The following NFAM1 variants were observed in gnomAD, a reference collection of about 807,000 sequenced individuals.
NFAM1 encodes NFAT activation molecule 1.
Under a neutral mutation model 29.0 loss-of-function variants are expected in NFAM1, and 17 were observed. That is an observed-to-expected ratio of 0.59 (90% CI 0.40 to 0.88). The LOEUF (loss-of-function observed/expected upper bound fraction) is 0.88. NFAM1 is among the 40% of genes least tolerant of loss of function. The pLI is 0.00. For synonymous variants in NFAM1, 175 were observed against 147.2 expected (o/e 1.19, Z -1.36); for missense variants, 324 against 344.6 (o/e 0.94, Z 0.47).
At chr22:42,415,584 C>T (rs141536793) in intron 1 of NFAM1, among the ~76,000 whole-genome samples, 111 of 152,234 alleles carry the variant, frequency 7.3e-4, no homozygotes, top group African/African-American at 2.6e-3. Context: ...CAGGCGTGAG[C>T]CACCGCGCCC....
intron 4 of NFAM1, among the ~76,000 whole-genome samples, chr22:42,393,757 T>A (rs9611786): frequency 0.019 from 2,890 of 151,954 alleles, 52 homozygotes; most frequent in Non-Finnish European, 0.03. Flanking sequence ...CAATTGTTAA[T>A]CCTTAATGAG....
chr22:42,410,322 A>G, intron 2 of NFAM1: 1 of 295,638 alleles, frequency 3.4e-6, no homozygotes, highest in South Asian at 2.5e-5. Flanking sequence ...GGCTTTGGTG[A>G]TGGGCTCACT....
At position 42,409,211 on chromosome 22, in the gene NFAM1, G is replaced by A. The variant is rs1179120894; in HGVS notation, c.564+224C>T. On this transcript the variant is annotated intron_variant, in intron 3 of 5. Coordinates refer to ENST00000329021, the MANE Select transcript of NFAM1 (RefSeq NM_145912.8). The surrounding 1 kb of genome is among the most constrained non-coding windows in gnomAD (Gnocchi z 4.9). ...GACATGGGACCTGGGAAAGCCTGCA[G>A]AGCCCTGGTTTCTTGCAACAAGATC... 6.6e-6 allele frequency among the ~76,000 whole-genome samples: 1 copy of A among 152,206 alleles called. No homozygotes were observed. Among genetic ancestry groups the A allele is most frequent in the African/African-American group, 2.4e-5 (1 of 41,450 alleles).
rs713942 is a variant in NFAM1 at position 42,384,325 on chromosome 22, G to C, written c.*836C>G. On this transcript the variant is annotated 3_prime_UTR_variant, in exon 6 of 6. Transcript: ENST00000329021. ...GCAGAGGGTGACCAAGGAGATGACA[G>C]AGTGCACGTACAGGGCCAGGCCAAT... 146,502 of 153,124 alleles carry C rather than the reference G, an allele frequency of 0.96. 70,164 individuals carry two copies. Among genetic ancestry groups the C allele is most frequent in the East Asian group, 1 (5,179 of 5,180 alleles). The allele number at this position is 153,124 out of a possible 1,614,324, so 9.5% of individuals were successfully genotyped here. A position where few individuals can be genotyped will look rare whatever the true frequency, so the allele number is the denominator to read the frequency against.
At chr22:42,426,499 A>G (rs1398669216) in intron 1 of NFAM1, among the ~76,000 whole-genome samples, 1 of 152,154 alleles carries the variant, frequency 6.6e-6, no homozygotes, top group Non-Finnish European at 1.5e-5. Flanking sequence ...AGCACATCCA[A>G]GTCCCAGCCA....
chr22:42,424,922 T>TTTATTTA (rs970875591), intron 1 of NFAM1, among the ~76,000 whole-genome samples: 3 of 151,352 alleles, frequency 2.0e-5, no homozygotes, highest in African/African-American at 7.3e-5. Context: ...TATTTATTTA[T>TTTATTTA]TTATTTATTT....
At chr22:42,421,446 A>C (rs1379071794) in intron 1 of NFAM1, among the ~76,000 whole-genome samples, 8 of 50,554 alleles carry the variant, frequency 1.6e-4, no homozygotes, top group South Asian at 5.3e-4. Context: ...ACTCTGTCTC[A>C]AAAAAAAAAA....
chr22:42,428,822 C>G (rs1250678020), intron 1 of NFAM1, among the ~76,000 whole-genome samples: 1 of 152,110 alleles, frequency 6.6e-6, no homozygotes, highest in Non-Finnish European at 1.5e-5. Context: ...TAAGTAATTG[C>G]CTGAGGTCAC....
chr22:42,392,434 G>C (rs1488267215), intron 4 of NFAM1, among the ~76,000 whole-genome samples: 3 of 152,158 alleles, frequency 2.0e-5, no homozygotes, highest in Non-Finnish European at 4.4e-5. Flanking sequence ...TTCTGGCGAA[G>C]AGGAGGGTTG....
chr22:42,385,088 T>G lies in NFAM1; in HGVS notation c.*73A>C, dbSNP rs1186841426. Reference sequence around the variant, plus strand: ...CTGGGGGCCTTACTCCCAACTCAGATCAAGTCCTTTGGTGGCAGGGGCTGC... The same window carrying G: ...CTGGGGGCCTTACTCCCAACTCAGAGCAAGTCCTTTGGTGGCAGGGGCTGC... On this transcript the variant is annotated 3_prime_UTR_variant, in exon 6 of 6. Coordinates refer to ENST00000329021, the MANE Select transcript of NFAM1 (RefSeq NM_145912.8). 12 of 1,141,614 alleles carry G rather than the reference T, an allele frequency of 1.1e-5. No homozygotes were observed. The highest frequency in any genetic ancestry group is 1.6e-5 in the Non-Finnish European group (12 of 750,540). 70.7% of individuals were successfully genotyped at this position (1,141,614 alleles called of 1,614,324 possible).
chr22:42,385,912 C>T (rs1039561004), intron 5 of NFAM1, among the ~76,000 whole-genome samples: 1 of 152,202 alleles, frequency 6.6e-6, no homozygotes, highest in African/African-American at 2.4e-5. Flanking sequence ...GACAGATGTT[C>T]CAAGAGGCCT....
intron 3 of NFAM1, among the ~76,000 whole-genome samples, chr22:42,407,802 C>A (rs62238259): frequency 0.089 from 13,590 of 151,852 alleles, 815 homozygotes; most frequent in Non-Finnish European, 0.13. Flanking sequence ...CTGTTACCCA[C>A]GCTGATATTG....
chr22:42,420,230 G>A (rs915769012), intron 1 of NFAM1, among the ~76,000 whole-genome samples: 5 of 151,800 alleles, frequency 3.3e-5, no homozygotes, highest in Middle Eastern at 3.4e-3. Flanking sequence ...GGCTAGTCTC[G>A]AACTCCTGAA....
At chr22:42,403,427 G>A (rs545622600) in intron 3 of NFAM1, among the ~76,000 whole-genome samples, 8 of 152,098 alleles carry the variant, frequency 5.3e-5, no homozygotes, top group Non-Finnish European at 7.4e-5. Context: ...CAGCTCTGTC[G>A]CCCAGGCTGG....
intron 2 of NFAM1, among the ~76,000 whole-genome samples, chr22:42,410,649 ACT>A (rs1426678658): frequency 7.4e-6 from 1 of 135,028 alleles, no homozygotes; most frequent in African/African-American, 3.2e-5. Context: ...ACAGAGCGAG[ACT>A]CTGTCTCAAA....
rs114893318 is a variant in NFAM1, at chr22:42,421,037, A to G, written c.122-9301T>C. Among the ~76,000 whole-genome samples the G allele has an allele frequency of 9.3e-3, 1,415 of 152,278 alleles. 25 individuals carry two copies. Among genetic ancestry groups the G allele is most frequent in the African/African-American group, 0.032 (1,330 of 41,558 alleles). On this transcript the variant is annotated intron_variant, in intron 1 of 5. Transcript: ENST00000329021. ...CAGGAGTGACCCCCGAGCCCTCTAC[A>G]GGCTGGCCCTGTGACAAAGCCAGTG...
intron 1 of NFAM1, among the ~76,000 whole-genome samples, chr22:42,428,120 C>T (rs558184126): frequency 6.6e-6 from 1 of 152,316 alleles, no homozygotes; most frequent in South Asian, 2.1e-4. Flanking sequence ...TGTGATCCAC[C>T]CAACCACAAT....
intron 5 of NFAM1, among the ~76,000 whole-genome samples, chr22:42,386,032 G>C (rs113148086): frequency 6.6e-6 from 1 of 152,154 alleles, no homozygotes; most frequent in Non-Finnish European, 1.5e-5. Context: ...AGTTGGTATT[G>C]CAGGAAAACA....
chr22:42,432,270 C>A lies in NFAM1; in HGVS notation c.88G>T (p.Val30Leu), dbSNP rs138744630. Residue 30 changes from valine (V) to leucine (L), a missense_variant, in exon 1 of 6, where the codon GTG (valine) becomes TTG (leucine). Transcript: ENST00000329021. ...LPAAPWLLLG[V>L]LLLPGTLRLA... ...CGCAGGGTCCCGGGCAGCAGCAGCACGCCAAGGAGGAGCCAGGGGGCTGCG... is the reference window on the plus strand; with the variant it reads ...CGCAGGGTCCCGGGCAGCAGCAGCAAGCCAAGGAGGAGCCAGGGGGCTGCG... 1 of 1,572,648 alleles carries A rather than the reference C, an allele frequency of 6.4e-7. No homozygotes were observed. The highest frequency in any genetic ancestry group is 8.6e-7 in the Non-Finnish European group (1 of 1,158,664).
Sources: allele counts gnomAD v4.1 joint callset (sites outside exome capture counted in the v4.1 genomes callset), GRCh38; gene constraint gnomAD v4.1.1; non-coding constraint Gnocchi (gnomAD v3.1); transcripts MANE v1.5; gene names NCBI Gene and HGNC (gene_info 2026-07-23, HGNC 2026-07-21).